LAMB1: variants seen among roughly 807,000 people sequenced by gnomAD.
The protein encoded by LAMB1 is laminin subunit beta 1, also known as laminin subunit beta-1.
In LAMB1, 121 loss-of-function variants were observed where a neutral mutation model predicts 222.3. The ratio of observed to expected loss-of-function variants is 0.54; its 90% confidence interval spans 0.47 to 0.63. LAMB1 has a LOEUF of 0.63. Among genes scored for constraint, LAMB1 ranks in the 30% least tolerant of loss-of-function variants. The probability of loss-of-function intolerance (pLI) is 0.00; values close to 1 mark genes in which losing one functional copy is unlikely to be tolerated. For synonymous variants in LAMB1, 794 were observed against 807.2 expected, an observed-to-expected ratio of 0.98 and a Z score of 0.28; for missense variants, 2,172 against 2,240.8, an observed-to-expected ratio of 0.97 and a Z score of 0.62.
At chr7:107,928,439 A>G (rs183705177) in intron 31 of LAMB1, among the ~76,000 whole-genome samples, 1 of 152,302 alleles carries the variant, frequency 6.6e-6, no homozygotes, top group Non-Finnish European at 1.5e-5. Flanking sequence ...ACAGTTTTCT[A>G]AAATTATTAT....
chr7:107,966,587 T>C (rs1584514432), intron 13 of LAMB1, among the ~76,000 whole-genome samples: 1 of 152,324 alleles, frequency 6.6e-6, no homozygotes, highest in Non-Finnish European at 1.5e-5. Flanking sequence ...AGCCTTCTTT[T>C]GGCACAGTCC....
At chr7:107,935,228 T>C in intron 27 of LAMB1, 187 bp downstream of exon 27, 1 of 776,960 alleles carries the variant, frequency 1.3e-6, no homozygotes, top group Non-Finnish European at 2.0e-6. Context: ...CTGCTTTTAA[T>C]CTGTCTTGGT....
chr7:107,962,149 T>C (rs577694621), intron 15 of LAMB1, among the ~76,000 whole-genome samples: 1 of 152,320 alleles, frequency 6.6e-6, no homozygotes, highest in Admixed American at 6.5e-5. Flanking sequence ...CATTCACACT[T>C]TAAGGCCTAG....
intron 15 of LAMB1, among the ~76,000 whole-genome samples, chr7:107,962,628 C>T (rs1023104267): frequency 2.9e-4 from 43 of 150,740 alleles, no homozygotes; most frequent in African/African-American, 9.5e-4. Context: ...GCAGGAGAAT[C>T]GCTTGAACCC....
intron 7 of LAMB1, among the ~76,000 whole-genome samples, chr7:107,983,247 C>T (rs988183911): frequency 3.9e-5 from 6 of 152,234 alleles, no homozygotes; most frequent in Non-Finnish European, 7.3e-5. Flanking sequence ...TTCCACTCCA[C>T]TCTTCCTTGC....
At chr7:107,986,784 A>G (rs1204192080) in intron 5 of LAMB1, among the ~76,000 whole-genome samples, 4 of 152,348 alleles carry the variant, frequency 2.6e-5, no homozygotes, top group African/African-American at 9.6e-5. Context: ...TATATGTTGT[A>G]TATGTTATAC....
chr7:107,941,773 C>T (rs2116359541), intron 24 of LAMB1, among the ~76,000 whole-genome samples: 1 of 147,604 alleles, frequency 6.8e-6, no homozygotes, highest in South Asian at 2.2e-4. Context: ...ATTCCCCTGC[C>T]TCAGCCTCCC....
chr7:107,938,820 T>C (rs1306402815), intron 25 of LAMB1, among the ~76,000 whole-genome samples: 3 of 152,242 alleles, frequency 2.0e-5, no homozygotes, highest in Non-Finnish European at 4.4e-5. Context: ...CCTAACACTC[T>C]GGCCAGCTAC....
At position 107,935,550 on chromosome 7, in the gene LAMB1, G is replaced by C; in HGVS notation, c.4053C>G (p.Leu1351=). 1.2e-6 allele frequency: 2 copies of C among 1,613,860 alleles called. No individual in the cohort carries two copies. The highest frequency in any genetic ancestry group is 1.7e-6 in the Non-Finnish European group (2 of 1,179,984). ...TCACGTCTTCTACTCTGTCTCTCAT[G>C]AGGGCTGACTGCTCCACAGTGCTGT... The part of the protein sequence containing the change: ...EPNSTVEQSA[L]MRDRVEDVMM... Residue 1351 remains leucine (L), a synonymous_variant, in exon 27 of 34, where the codon CTC becomes CTG. Transcript: ENST00000222399.
intron 27 of LAMB1, among the ~76,000 whole-genome samples, chr7:107,933,331 A>G (rs2032756970): frequency 6.6e-6 from 1 of 152,256 alleles, no homozygotes; most frequent in African/African-American, 2.4e-5. Context: ...TTGTTATTAA[A>G]AAGTACAAAA....
chr7:107,999,491 T>C (rs2034342560), intron 3 of LAMB1, among the ~76,000 whole-genome samples: 1 of 152,216 alleles, frequency 6.6e-6, no homozygotes, highest in African/African-American at 2.4e-5. Context: ...CTGACCGTAC[T>C]TTTACGTTGT....
In LAMB1 at chr7:108,001,588, G is replaced by C. The variant is rs202130340; in HGVS notation, c.183C>G (p.Pro61=). Residue 61 remains proline, a synonymous_variant, in exon 3 of 34, where the codon CCC becomes CCG. Coordinates refer to ENST00000222399, the MANE Select transcript of LAMB1 (RefSeq NM_002291.3). ...SVTSTCGLHK[P]EPYCIVSHLQ... ...AGTGGCTGACGATACAGTAGGGTTC[G>C]GGCTTGTGCAGCCCGCACGTCGAGG... 5 of 1,612,110 alleles carry C rather than the reference G, an allele frequency of 3.1e-6. No individual in the cohort carries two copies. The highest frequency in any genetic ancestry group is 1.7e-4 in the Middle Eastern group (1 of 6,056).
chr7:107,973,121 AAC>A (rs1162636528), intron 12 of LAMB1, 50 bp from the exon 13 acceptor site: 1 of 1,438,286 alleles, frequency 7.0e-7, no homozygotes, highest in Non-Finnish European at 9.8e-7. Flanking sequence ...GTAATTATGC[AAC>A]AGACTCAGCA....
intron 3 of LAMB1, 90 bp downstream of exon 3, chr7:108,001,468 T>C (rs898824631): frequency 7.3e-6 from 10 of 1,373,360 alleles, no homozygotes; most frequent in African/African-American, 1.5e-5. Context: ...TCTGGATTGC[T>C]GGAAGGATGC....
intron 8 of LAMB1, among the ~76,000 whole-genome samples, chr7:107,980,319 A>G (rs962308211): frequency 6.6e-6 from 1 of 152,162 alleles, no homozygotes; most frequent in Non-Finnish European, 1.5e-5. Flanking sequence ...TGTTATTTAG[A>G]CAACTTTTTA....
intron 31 of LAMB1, among the ~76,000 whole-genome samples, chr7:107,926,885 G>A (rs934202677): frequency 4.6e-5 from 7 of 152,032 alleles, no homozygotes; most frequent in Non-Finnish European, 8.8e-5. Context: ...GTCTGGGAAC[G>A]TTACAGCTGT....
At chr7:107,994,344 C>CAAAA (rs1185788037) in intron 5 of LAMB1, among the ~76,000 whole-genome samples, 1 of 152,162 alleles carries the variant, frequency 6.6e-6, no homozygotes, top group Non-Finnish European at 1.5e-5. Context: ...TAAAACTGTT[C>CAAAA]CTTAAGCTAT....
intron 24 of LAMB1, 59 bp downstream of exon 24, chr7:107,951,167 T>A: frequency 7.8e-7 from 1 of 1,274,624 alleles, no homozygotes; most frequent in Non-Finnish European, 1.1e-6. Flanking sequence ...AAGGCTCTTG[T>A]AGAACCCCAG....
intron 8 of LAMB1, among the ~76,000 whole-genome samples, chr7:107,980,398 A>G (rs1334695911): frequency 1.3e-5 from 2 of 152,230 alleles, no homozygotes; most frequent in Non-Finnish European, 2.9e-5. Context: ...TTCATCGTCT[A>G]TGAAATGAGT....
Sources: allele counts gnomAD v4.1 joint callset (sites outside exome capture counted in the v4.1 genomes callset), GRCh38; gene constraint gnomAD v4.1.1; transcripts MANE v1.5; gene names NCBI Gene and HGNC (gene_info 2026-07-23, HGNC 2026-07-21).